Variants in SCRG1 observed in about 807,000 individuals in gnomAD.
The protein encoded by SCRG1 is stimulator of chondrogenesis 1.
SCRG1 carries 3 observed loss-of-function variants against 7.7 expected under a neutral mutation model. That is an observed-to-expected ratio of 0.39 (90% confidence interval 0.18 to 1.01). The LOEUF (loss-of-function observed/expected upper bound fraction) is 1.01, where lower values mean the gene tolerates loss of function less well. Ranked by LOEUF, SCRG1 falls within the 50% of genes least tolerant of loss-of-function variation. SCRG1 has a pLI of 0.36. For missense variants in SCRG1, 110 were observed against 117.2 expected (o/e 0.94, Z 0.28); for synonymous variants, 46 against 41.2 (o/e 1.12, Z -0.44).
upstream of SCRG1, among the ~76,000 whole-genome samples, chr4:173,410,028 G>T (rs992872575): frequency 2.0e-5 from 3 of 152,172 alleles, no homozygotes; most frequent in Admixed American, 1.3e-4. Context: ...GAGTGCTAAA[G>T]ATCCTCCAGG....
the SCRG1 span, among the ~76,000 whole-genome samples, chr4:173,508,962 C>G: frequency 6.6e-6 from 1 of 152,298 alleles, no homozygotes; most frequent in African/African-American, 2.4e-5. This position sits in a 1 kb window ranked among gnomAD's most constrained non-coding sequence, Gnocchi z 4.4. Context: ...GGCGAGATAG[C>G]CAGCTTCCCT....
At chr4:173,437,230 A>AT in the SCRG1 span, among the ~76,000 whole-genome samples, 1 of 152,200 alleles carries the variant, frequency 6.6e-6, no homozygotes. Context: ...GCAATTTACT[A>AT]TGTAAGACAC....
At chr4:173,450,739 C>T in the SCRG1 span, among the ~76,000 whole-genome samples, 3 of 152,156 alleles carry the variant, frequency 2.0e-5, no homozygotes, top group East Asian at 5.8e-4. Flanking sequence ...GAGTAAATTG[C>T]CTTATCAGCT....
chr4:173,394,825 T>C (rs1478659337), intron 1 of SCRG1, among the ~76,000 whole-genome samples: 1 of 152,214 alleles, frequency 6.6e-6, no homozygotes, highest in African/African-American at 2.4e-5. Context: ...TTTAATACTT[T>C]TGTCTTTCAA....
chr4:173,388,313 TG>T lies in SCRG1; in HGVS notation c.*27del. 6.4e-7 allele frequency: 1 copy of T among 1,566,860 alleles called. No homozygotes were observed. The highest frequency in any genetic ancestry group is 1.1e-5 in the South Asian group (1 of 89,038). On this transcript the variant is annotated 3_prime_UTR_variant, in exon 3 of 3. Coordinates refer to ENST00000296506, the MANE Select transcript of SCRG1 (RefSeq NM_007281.4). The stretch of plus-strand genomic sequence containing the variant: ...AGTGCAGTTTGTGGGAAATCAGGAA[TG>T]GTGTTCTCCAGAATACATGAAGATT...
intron 2 of SCRG1, chr4:173,389,970 C>A: frequency 3.8e-6 from 1 of 261,868 alleles, no homozygotes; most frequent in East Asian, 1.0e-4. Flanking sequence ...TCCTCAATAA[C>A]CAGGGGGAAA....
the SCRG1 span, among the ~76,000 whole-genome samples, chr4:173,429,370 A>T: frequency 2.0e-5 from 3 of 152,130 alleles, no homozygotes; most frequent in East Asian, 1.9e-4. Context: ...CCATAGCTTC[A>T]AACTTTCAAA....
chr4:173,415,939 T>C, the SCRG1 span, among the ~76,000 whole-genome samples: 40 of 152,238 alleles, frequency 2.6e-4, no homozygotes, highest in African/African-American at 8.7e-4. Context: ...AAAGAAAACA[T>C]ATTTTGAAAA....
the SCRG1 span, among the ~76,000 whole-genome samples, chr4:173,518,642 C>T: frequency 1.3e-5 from 2 of 152,124 alleles, no homozygotes; most frequent in African/African-American, 2.4e-5. Flanking sequence ...ACCTGCCGAG[C>T]CCCTGCTGCA....
the SCRG1 span, chr4:173,419,536 G>T: frequency 1.4e-6 from 1 of 729,282 alleles, no homozygotes; most frequent in Non-Finnish European, 2.5e-6. Flanking sequence ...CAAACTTCTG[G>T]CCCATGATGT....
the SCRG1 span, among the ~76,000 whole-genome samples, chr4:173,488,826 A>G: frequency 6.6e-6 from 1 of 152,220 alleles, no homozygotes; most frequent in Non-Finnish European, 1.5e-5. Context: ...GTGTTTTGAA[A>G]CTGTGGACAC....
the SCRG1 span, chr4:173,467,811 G>C: frequency 6.6e-6 from 1 of 152,062 alleles, no homozygotes; most frequent in Non-Finnish European, 1.5e-5. Flanking sequence ...TAGTAGAGGA[G>C]AACATTTTGA....
At chr4:173,470,191 A>G in the SCRG1 span, 1 of 138,812 alleles carries the variant, frequency 7.2e-6, no homozygotes, top group East Asian at 2.0e-4. Context: ...TTGTTGTTTA[A>G]GATATCATTG....
At chr4:173,488,736 C>A in the SCRG1 span, among the ~76,000 whole-genome samples, 2 of 152,148 alleles carry the variant, frequency 1.3e-5, no homozygotes, top group African/African-American at 2.4e-5. Context: ...TTTCATCTGA[C>A]AAACCCTCTC....
At chr4:173,483,161 A>G in the SCRG1 span, among the ~76,000 whole-genome samples, 1 of 75,234 alleles carries the variant, frequency 1.3e-5, no homozygotes, top group Non-Finnish European at 2.3e-5. Context: ...TATGAAATAT[A>G]TAACATATAA....
At chr4:173,455,354 C>A in the SCRG1 span, among the ~76,000 whole-genome samples, 1 of 152,162 alleles carries the variant, frequency 6.6e-6, no homozygotes, top group Non-Finnish European at 1.5e-5. Context: ...TGCTTTCCAG[C>A]GGGGACTAAA....
the SCRG1 span, among the ~76,000 whole-genome samples, chr4:173,483,530 G>GATATATAATATATTATGTATTA: frequency 5.2e-5 from 1 of 19,218 alleles, no homozygotes; most frequent in African/African-American, 1.3e-4. Context: ...ATTATATATT[G>GATATATAATATATTATGTATTA]TATTATGATA....
At chr4:173,442,839 A>G in the SCRG1 span, among the ~76,000 whole-genome samples, 1 of 152,210 alleles carries the variant, frequency 6.6e-6, no homozygotes, top group Non-Finnish European at 1.5e-5. Flanking sequence ...ACACACTGGC[A>G]TTAATCTACT....
At chr4:173,421,551 A>G in the SCRG1 span, among the ~76,000 whole-genome samples, 1 of 152,194 alleles carries the variant, frequency 6.6e-6, no homozygotes, top group African/African-American at 2.4e-5. Flanking sequence ...GTGGGCCTGG[A>G]TGGAGAGCTA....
Sources: gnomAD v4.1 joint callset for allele counts (sites outside exome capture counted in the v4.1 genomes callset) on GRCh38, gnomAD v4.1.1 for gene constraint, Gnocchi (gnomAD v3.1) non-coding constraint, MANE v1.5 for transcripts, NCBI Gene and HGNC (gene_info 2026-07-23, HGNC 2026-07-21) for gene names.